CSMD1: variants seen among roughly 807,000 people sequenced by gnomAD.
CSMD1 encodes the protein CUB and sushi domain-containing protein 1.
CSMD1 carries 213 observed loss-of-function variants against 417.5 expected under a neutral mutation model. That is an observed-to-expected ratio of 0.51 (90% CI 0.46 to 0.57). The LOEUF (loss-of-function observed/expected upper bound fraction) is 0.57. CSMD1 is among the 20% of genes least tolerant of loss of function. The probability of loss-of-function intolerance (pLI) is 0.00; values close to 1 mark genes in which losing one functional copy is unlikely to be tolerated. For missense variants in CSMD1, 6,923 were observed against 4,529.7 expected (o/e 1.53, Z -15.17); for synonymous variants, 2,862 against 1,736.8 (o/e 1.65, Z -16.11).
chr8:4,387,001 G>A (rs1204631987), intron 3 of CSMD1, among the ~76,000 whole-genome samples: 1 of 152,178 alleles, frequency 6.6e-6, no homozygotes, highest in Non-Finnish European at 1.5e-5. Context: ...ACAGTAATCG[G>A]CTTCATTTGA....
intron 6 of CSMD1, among the ~76,000 whole-genome samples, chr8:3,749,382 A>C (rs1371229322): frequency 6.6e-6 from 1 of 152,218 alleles, no homozygotes; most frequent in Non-Finnish European, 1.5e-5. Flanking sequence ...AGATTTTAAG[A>C]GTAGCAACTG....
At chr8:3,544,156 A>G (rs1346380301) in intron 10 of CSMD1, among the ~76,000 whole-genome samples, 2 of 152,120 alleles carry the variant, frequency 1.3e-5, no homozygotes, top group African/African-American at 2.4e-5. Flanking sequence ...GCATCCCTAG[A>G]AAGTTATGTA....
intron 12 of CSMD1, among the ~76,000 whole-genome samples, chr8:3,457,964 C>G (rs766392531): frequency 6.6e-6 from 1 of 152,156 alleles, no homozygotes; most frequent in Non-Finnish European, 1.5e-5. Flanking sequence ...CCTAAAATAT[C>G]ACCTAGAAGT....
intron 41 of CSMD1, among the ~76,000 whole-genome samples, chr8:3,142,019 G>T (rs192378330): frequency 6.6e-6 from 1 of 151,956 alleles, no homozygotes; most frequent in South Asian, 2.1e-4. Context: ...GGATGGTCTC[G>T]ATCTCCTGAC....
intron 5 of CSMD1, among the ~76,000 whole-genome samples, chr8:3,791,011 AG>A (rs1799708116): frequency 6.6e-6 from 1 of 152,242 alleles, no homozygotes; most frequent in African/African-American, 2.4e-5. Context: ...CAACACCTTC[AG>A]GTTATAAAGA....
At chr8:3,995,225 G>C (rs968981991) in intron 5 of CSMD1, among the ~76,000 whole-genome samples, 1 of 152,132 alleles carries the variant, frequency 6.6e-6, no homozygotes, top group Non-Finnish European at 1.5e-5. Flanking sequence ...GCTCCTGTAG[G>C]TTTCCATAGT....
At chr8:3,226,543 C>G (rs1479336730) in intron 27 of CSMD1, among the ~76,000 whole-genome samples, 1 of 147,066 alleles carries the variant, frequency 6.8e-6, no homozygotes, top group Non-Finnish European at 1.5e-5. Context: ...GATCACACCA[C>G]TGCACTCCAG....
chr8:4,630,562 T>C lies in CSMD1; in HGVS notation c.302+6780A>G, dbSNP rs1025720093. 2.6e-5 allele frequency among the ~76,000 whole-genome samples: 4 copies of C among 152,186 alleles called. No homozygotes were observed. In the East Asian group the frequency reaches 5.8e-4, roughly 22 times the overall value. On this transcript the variant is annotated intron_variant, in intron 2 of 69. Coordinates refer to ENST00000635120, the MANE Select transcript of CSMD1 (RefSeq NM_033225.6). The stretch of plus-strand genomic sequence containing the variant: ...CTAGGGGTCACTAATTTAAAGCATA[T>C]GTTGACAAGAGCAATTTGAAAGATA...
chr8:4,114,310 G>C (rs1402491564), intron 3 of CSMD1, among the ~76,000 whole-genome samples: 1 of 152,162 alleles, frequency 6.6e-6, no homozygotes, highest in Non-Finnish European at 1.5e-5. Context: ...GAAAAATAAA[G>C]TCTGGATGAG....
chr8:3,898,362 TG>T (rs34265817), intron 5 of CSMD1, among the ~76,000 whole-genome samples: 71,658 of 152,094 alleles, frequency 0.47, 19,943 homozygotes, highest in East Asian at 0.63. Flanking sequence ...CTCTGTTATA[TG>T]GCATGATCTG....
At chr8:3,256,637 C>T (rs1800676646) in intron 26 of CSMD1, among the ~76,000 whole-genome samples, 1 of 152,228 alleles carries the variant, frequency 6.6e-6, no homozygotes, top group African/African-American at 2.4e-5. Context: ...CCACTTCCAA[C>T]ATGTGTGCCT....
intron 5 of CSMD1, among the ~76,000 whole-genome samples, chr8:3,839,324 A>T (rs1174849800): frequency 4.1e-4 from 48 of 118,382 alleles, no homozygotes; most frequent in African/African-American, 1.6e-3. Context: ...AATATATATT[A>T]ATTATATATA....
chr8:4,775,878 A>C (rs1796828697), intron 1 of CSMD1, among the ~76,000 whole-genome samples: 1 of 152,206 alleles, frequency 6.6e-6, no homozygotes, highest in Non-Finnish European at 1.5e-5. Flanking sequence ...ACCATAGGAC[A>C]GAAAAGGCAG....
chr8:3,410,208 C>T (rs1176014512), intron 12 of CSMD1, among the ~76,000 whole-genome samples: 1 of 152,124 alleles, frequency 6.6e-6, no homozygotes, highest in Non-Finnish European at 1.5e-5. Context: ...GTTGATCTGT[C>T]TCAAATGTTA....
chr8:3,305,619 A>ATGCCC (rs1372871640), intron 25 of CSMD1, among the ~76,000 whole-genome samples: 16 of 151,976 alleles, frequency 1.1e-4, no homozygotes. Flanking sequence ...TGCCAATGCC[A>ATGCCC]TGCCCTTGGA....
At chr8:4,056,688 C>T (rs1172266875) in intron 3 of CSMD1, among the ~76,000 whole-genome samples, 1 of 152,048 alleles carries the variant, frequency 6.6e-6, no homozygotes, top group Admixed American at 6.6e-5. Flanking sequence ...CTCCCCACTC[C>T]CCCCACCCCA....
intron 3 of CSMD1, among the ~76,000 whole-genome samples, chr8:4,202,556 G>C (rs953263162): frequency 6.6e-6 from 1 of 152,082 alleles, no homozygotes; most frequent in African/African-American, 2.4e-5. Context: ...CATCAGCCTC[G>C]ACAAATTACT....
At chr8:4,444,715 C>T (rs1011672874) in intron 2 of CSMD1, among the ~76,000 whole-genome samples, 5 of 152,112 alleles carry the variant, frequency 3.3e-5, no homozygotes, top group Non-Finnish European at 2.9e-5. Flanking sequence ...AGCACAGGTG[C>T]ATGAAGGAAA....
At chr8:4,665,253 A>G (rs1293345005) in intron 1 of CSMD1, among the ~76,000 whole-genome samples, 1 of 152,136 alleles carries the variant, frequency 6.6e-6, no homozygotes, top group East Asian at 1.9e-4. Context: ...CTTTCTCTGA[A>G]ACTTCAAAGT....
Sources: gnomAD v4.1 joint callset for allele counts (sites outside exome capture counted in the v4.1 genomes callset) on GRCh38, gnomAD v4.1.1 for gene constraint, MANE v1.5 for transcripts, NCBI Gene and HGNC (gene_info 2026-07-23, HGNC 2026-07-21) for gene names.